Variants in BMPER observed in about 807,000 individuals in gnomAD.
BMPER encodes BMP-binding endothelial regulator protein.
Under a neutral mutation model 87.3 loss-of-function variants are expected in BMPER, and 45 were observed. That is an observed-to-expected ratio of 0.52 (90% confidence interval 0.41 to 0.66). The LOEUF is 0.66. Among genes scored for constraint, BMPER ranks in the 30% least tolerant of loss-of-function variants. The probability of loss-of-function intolerance (pLI) is 0.00; values close to 1 mark genes in which losing one functional copy is unlikely to be tolerated. For synonymous variants in BMPER, 326 were observed against 316.2 expected (o/e 1.03, Z -0.33); for missense variants, 784 against 867.5 (o/e 0.90, Z 1.21).
chr7:34,013,468 T>C (rs1786936441), intron 6 of BMPER, among the ~76,000 whole-genome samples: 1 of 151,928 alleles, frequency 6.6e-6, no homozygotes, highest in Non-Finnish European at 1.5e-5. Flanking sequence ...ATCTTTAAAA[T>C]TTTAATAGTG....
intron 2 of BMPER, among the ~76,000 whole-genome samples, chr7:33,911,109 G>A (rs1783951229): frequency 6.6e-6 from 1 of 152,144 alleles, no homozygotes; most frequent in Non-Finnish European, 1.5e-5. Context: ...GTTGTTTCAG[G>A]TCATTTCTAG....
intron 6 of BMPER, among the ~76,000 whole-genome samples, chr7:33,981,773 G>A (rs909395617): frequency 4.6e-5 from 7 of 152,152 alleles, no homozygotes; most frequent in Admixed American, 2.0e-4. Context: ...AGAGATGCAC[G>A]TCATTGTGGA....
intron 13 of BMPER, among the ~76,000 whole-genome samples, chr7:34,114,571 G>A (rs1439959829): frequency 6.6e-6 from 1 of 152,200 alleles, no homozygotes; most frequent in Non-Finnish European, 1.5e-5. Flanking sequence ...ACAACTTAGG[G>A]AGGAAAAATA....
intron 13 of BMPER, among the ~76,000 whole-genome samples, chr7:34,099,795 G>T (rs1789628479): frequency 1.3e-5 from 2 of 152,034 alleles, no homozygotes; most frequent in South Asian, 4.2e-4. Context: ...AGTTTCTAAA[G>T]AAAGAAACTG....
intron 13 of BMPER, among the ~76,000 whole-genome samples, chr7:34,107,290 C>G (rs1018647826): frequency 3.9e-5 from 6 of 152,206 alleles, no homozygotes; most frequent in African/African-American, 1.4e-4. Flanking sequence ...TTTTAGCATA[C>G]AGAAACTATG....
At chr7:34,013,422 C>T (rs1786934919) in intron 6 of BMPER, among the ~76,000 whole-genome samples, 1 of 151,600 alleles carries the variant, frequency 6.6e-6, no homozygotes, top group Admixed American at 6.6e-5. Flanking sequence ...CGAAGGCGTC[C>T]TAACCAGTCT....
intron 13 of BMPER, among the ~76,000 whole-genome samples, chr7:34,114,734 G>A (rs772632457): frequency 1.2e-4 from 19 of 152,208 alleles, no homozygotes; most frequent in Non-Finnish European, 2.5e-4. Context: ...AGCTTGAGCC[G>A]CCATCTGAAG....
At position 34,081,427 on chromosome 7, in the gene BMPER, AC is replaced by A. The variant is rs1180018621; in HGVS notation, c.1408+2244del. ...GGGAGATGGGAGGAATGACTCTTTG[AC>A]CCTGCGGTTTATGTGCTCCGCACTT... On this transcript the variant is annotated intron_variant, in intron 12 of 14. Transcript: ENST00000649409. 2.6e-5 allele frequency among the ~76,000 whole-genome samples: 4 copies of A among 152,298 alleles called. No individual in the cohort carries two copies. The East Asian group carries it at 7.7e-4, about 29-fold the overall frequency.
At chr7:34,146,909 C>T (rs1416858378) in intron 14 of BMPER, among the ~76,000 whole-genome samples, 2 of 152,188 alleles carry the variant, frequency 1.3e-5, no homozygotes, top group African/African-American at 2.4e-5. Flanking sequence ...TGTTTGTTCC[C>T]TATCACTGGT....
intron 14 of BMPER, among the ~76,000 whole-genome samples, chr7:34,147,225 G>T (rs1442347070): frequency 6.6e-6 from 1 of 152,144 alleles, no homozygotes; most frequent in Non-Finnish European, 1.5e-5. Flanking sequence ...TATACACTGA[G>T]TTATTTCTTG....
chr7:34,012,685 A>G (rs1416613372), intron 6 of BMPER, among the ~76,000 whole-genome samples: 1 of 151,920 alleles, frequency 6.6e-6, no homozygotes, highest in Non-Finnish European at 1.5e-5. Context: ...TAATAGAAGA[A>G]TTAAACCAGC....
rs1461506930 is a variant in BMPER at position 34,038,622 on chromosome 7, A to G, written c.577-7684A>G. ...ATTAATTGGCATGCAAAATAAAAGG[A>G]ATTTGTTTCAGGCTTGGTTCTCAAG... On this transcript the variant is annotated intron_variant, in intron 6 of 14. Coordinates refer to ENST00000649409, the MANE Select transcript of BMPER (RefSeq NM_001365308.1). 2.0e-5 allele frequency among the ~76,000 whole-genome samples: 3 copies of G among 152,170 alleles called. No homozygotes were observed. The East Asian group carries it at 5.8e-4, about 29-fold the overall frequency.
intron 11 of BMPER, among the ~76,000 whole-genome samples, chr7:34,069,439 A>C (rs1477195026): frequency 6.6e-6 from 1 of 152,250 alleles, no homozygotes; most frequent in Non-Finnish European, 1.5e-5. Flanking sequence ...ATTGAACATT[A>C]GTCCATATCA....
intron 13 of BMPER, among the ~76,000 whole-genome samples, chr7:34,124,445 T>C (rs1790346150): frequency 2.2e-5 from 2 of 90,986 alleles, no homozygotes; most frequent in Admixed American, 1.6e-4. Context: ...TTTTGCATTG[T>C]AAAGTTTTTT....
chr7:34,072,880 G>A (rs1416855477), intron 11 of BMPER, among the ~76,000 whole-genome samples: 3 of 152,064 alleles, frequency 2.0e-5, no homozygotes, highest in Admixed American at 2.0e-4. Context: ...GGAGAAATTG[G>A]ACTCCCATGA....
chr7:34,104,778 C>A (rs1009728816), intron 13 of BMPER, among the ~76,000 whole-genome samples: 11 of 152,106 alleles, frequency 7.2e-5, no homozygotes, highest in African/African-American at 2.7e-4. Flanking sequence ...AAACTGGCCT[C>A]CCCTGTGTCC....
Position 34,155,233 on chromosome 7 carries a change from T to G in BMPER, c.*1960T>G, listed in dbSNP as rs1032745010. On this transcript the variant is annotated 3_prime_UTR_variant, in exon 15 of 15. Transcript: ENST00000649409. Reference sequence around the variant, plus strand: ...TGACGTTGCCTGGTGGTTCCTACCTTCTGTAAAACGAACAGATTCCTTAAG... The same window carrying G: ...TGACGTTGCCTGGTGGTTCCTACCTGCTGTAAAACGAACAGATTCCTTAAG... The G allele has an allele frequency of 6.6e-6, 1 of 152,208 alleles. No homozygotes were observed. The allele number at this position is 152,208 out of a possible 1,614,324, so 9.4% of individuals were successfully genotyped here. A position where few individuals can be genotyped will look rare whatever the true frequency, so the allele number is the denominator to read the frequency against.
intron 6 of BMPER, among the ~76,000 whole-genome samples, chr7:33,982,920 A>G (rs2127918378): frequency 6.6e-6 from 1 of 152,286 alleles, no homozygotes; most frequent in South Asian, 2.1e-4. Context: ...GATCTGGCTT[A>G]AGAGGGGTCA....
At chr7:33,976,689 C>T (rs1291796448) in intron 6 of BMPER, among the ~76,000 whole-genome samples, 2 of 151,942 alleles carry the variant, frequency 1.3e-5, no homozygotes, top group Non-Finnish European at 2.9e-5. Context: ...GCCAAGGTCA[C>T]GCAGCTGAGC....
Sources: allele counts gnomAD v4.1 joint callset (sites outside exome capture counted in the v4.1 genomes callset), GRCh38; gene constraint gnomAD v4.1.1; transcripts MANE v1.5; gene names NCBI Gene and HGNC (gene_info 2026-07-23, HGNC 2026-07-21).